GXYLT2: variants seen among roughly 807,000 people sequenced by gnomAD.
The protein encoded by GXYLT2 is glucoside xylosyltransferase 2.
In GXYLT2, 53 loss-of-function variants were observed where a neutral mutation model predicts 45.8. The observed-to-expected ratio is 1.16, with a 90% CI of 0.93 to 1.46. The LOEUF (loss-of-function observed/expected upper bound fraction) is 1.46, where lower values mean the gene tolerates loss of function less well. GXYLT2 is among the 40% of genes most tolerant of loss of function. The pLI is 0.00. For synonymous variants in GXYLT2, 219 were observed against 214.2 expected, an observed-to-expected ratio of 1.02 and a Z score of -0.19; for missense variants, 551 against 544.4, an observed-to-expected ratio of 1.01 and a Z score of -0.12.
intron 5 of GXYLT2, among the ~76,000 whole-genome samples, chr3:72,966,535 C>T (rs1306480608): frequency 2.8e-5 from 4 of 142,142 alleles, no homozygotes; most frequent in African/African-American, 5.2e-5. Context: ...TCATAGCTCA[C>T]TGTAACCTCT....
At chr3:72,923,304 A>G (rs943685739) in intron 3 of GXYLT2, among the ~76,000 whole-genome samples, 1 of 151,950 alleles carries the variant, frequency 6.6e-6, no homozygotes, top group East Asian at 1.9e-4. Context: ...AGTCCCAGCT[A>G]CTTGGGAGGC....
At chr3:72,911,673 TC>T (rs1341447974) in intron 2 of GXYLT2, among the ~76,000 whole-genome samples, 1 of 152,124 alleles carries the variant, frequency 6.6e-6, no homozygotes, top group Non-Finnish European at 1.5e-5. Flanking sequence ...ATGACCATAG[TC>T]CTGTAATCTC....
intron 3 of GXYLT2, among the ~76,000 whole-genome samples, chr3:72,953,739 T>TA (rs1358302382): frequency 1.3e-5 from 2 of 152,166 alleles, no homozygotes; most frequent in African/African-American, 4.8e-5. Context: ...CGCATGCTGA[T>TA]ACACAAACAA....
At chr3:72,914,559 T>A (rs7618364) in intron 2 of GXYLT2, among the ~76,000 whole-genome samples, 38,668 of 151,528 alleles carry the variant, frequency 0.26, 9,221 homozygotes, top group African/African-American at 0.64. Context: ...GCGCGCGCGC[T>A]TGCGTGCGCA....
At chr3:72,954,190 G>A (rs999346038) in intron 3 of GXYLT2, among the ~76,000 whole-genome samples, 5 of 151,630 alleles carry the variant, frequency 3.3e-5, no homozygotes, top group South Asian at 2.1e-4. Context: ...TGGAACCTCC[G>A]CCCCCTCCCC....
At chr3:72,965,064 G>A (rs1710838605) in intron 5 of GXYLT2, among the ~76,000 whole-genome samples, 1 of 152,194 alleles carries the variant, frequency 6.6e-6, no homozygotes, top group Admixed American at 6.6e-5. Flanking sequence ...ACTTGAGGAT[G>A]GCCACTACTC....
intron 3 of GXYLT2, among the ~76,000 whole-genome samples, chr3:72,945,481 G>C (rs1366621656): frequency 6.6e-6 from 1 of 152,140 alleles, no homozygotes; most frequent in African/African-American, 2.4e-5. Flanking sequence ...ATTCTAGTTA[G>C]AGGAGGCAAG....
chr3:72,907,560 T>C (rs1038873055), intron 1 of GXYLT2, among the ~76,000 whole-genome samples: 2 of 152,174 alleles, frequency 1.3e-5, no homozygotes, highest in African/African-American at 4.8e-5. Flanking sequence ...CTGCATCCCT[T>C]CGTCTGGAAC....
chr3:72,967,704 T>C lies in GXYLT2; in HGVS notation c.1134T>C (p.Tyr378=). 1 of 1,613,856 alleles carries C rather than the reference T, an allele frequency of 6.2e-7. No individual in the cohort carries two copies. The highest frequency in any genetic ancestry group is 8.5e-7 in the Non-Finnish European group (1 of 1,179,796). ...DDKQPTFRAL[Y]EAIRDFPFQD... ...AGCAACCAACGTTCAGAGCACTCTATGAAGCAATACGGGATGTAAGTGTGC... is the reference window on the plus strand; with the variant it reads ...AGCAACCAACGTTCAGAGCACTCTACGAAGCAATACGGGATGTAAGTGTGC... The change falls in exon 6 of 7, where the codon TAT becomes TAC. Residue 378 remains tyrosine (Y), a synonymous_variant. Transcript: ENST00000389617.
chr3:72,898,163 G>A (rs1280723463), intron 1 of GXYLT2, among the ~76,000 whole-genome samples: 1 of 152,096 alleles, frequency 6.6e-6, no homozygotes, highest in Admixed American at 6.6e-5. Flanking sequence ...GCAATTTAAA[G>A]TATATAAATT....
At chr3:72,889,920 T>G (rs1709151072) in intron 1 of GXYLT2, among the ~76,000 whole-genome samples, 3 of 150,654 alleles carry the variant, frequency 2.0e-5, no homozygotes, top group Admixed American at 6.6e-5. Flanking sequence ...TTTTTTTTTT[T>G]TTTGTGACAA....
chr3:72,922,542 C>A (rs1226977017), intron 3 of GXYLT2, among the ~76,000 whole-genome samples: 1 of 152,182 alleles, frequency 6.6e-6, no homozygotes, highest in Non-Finnish European at 1.5e-5. Flanking sequence ...TGTGAGCATT[C>A]AAATCCTGTC....
intron 3 of GXYLT2, among the ~76,000 whole-genome samples, chr3:72,944,127 A>T (rs995087215): frequency 1.3e-5 from 2 of 149,618 alleles, no homozygotes; most frequent in Non-Finnish European, 2.9e-5. Flanking sequence ...TCTTTCTCTC[A>T]CCCAGGCTGG....
intron 6 of GXYLT2, among the ~76,000 whole-genome samples, chr3:72,974,187 A>G (rs1012248166): frequency 1.3e-5 from 2 of 152,210 alleles, no homozygotes; most frequent in African/African-American, 4.8e-5. Context: ...ACATGTGCGT[A>G]ACTAAGTGGT....
At position 72,908,480 on chromosome 3, in the gene GXYLT2, C is replaced by CAAAAAGCACATCAA; in HGVS notation, c.390_391insAAAAGCACATCAAA (p.Ala131LysfsTer24). 6.2e-7 allele frequency: 1 copy of CAAAAAGCACATCAA among 1,613,980 alleles called. No individual in the cohort carries two copies. Among genetic ancestry groups the CAAAAAGCACATCAA allele is most frequent in the Non-Finnish European group, 8.5e-7 (1 of 1,179,880 alleles). ...GAGGAGACGCTGGTCATGCTCAAAT[C>CAAAAAGCACATCAA]AGCTGTGCTTTTTAGCCACAGGAAG... On this transcript the variant is annotated frameshift_variant, in exon 2 of 7. Coordinates refer to ENST00000389617, the MANE Select transcript of GXYLT2 (RefSeq NM_001080393.2). LOFTEE classifies it high-confidence loss of function.
chr3:72,964,610 T>C (rs1056153534), intron 5 of GXYLT2, among the ~76,000 whole-genome samples: 2 of 152,210 alleles, frequency 1.3e-5, no homozygotes, highest in Non-Finnish European at 2.9e-5. Flanking sequence ...CGTGAGCCAT[T>C]GCACCCAGCC....
At chr3:72,940,928 C>T (rs1187662812) in intron 3 of GXYLT2, among the ~76,000 whole-genome samples, 1 of 152,190 alleles carries the variant, frequency 6.6e-6, no homozygotes, top group Non-Finnish European at 1.5e-5. Flanking sequence ...AATACTCCCA[C>T]CTCGGTCTCC....
chr3:72,975,045 G>GCA lies in GXYLT2; in HGVS notation c.1222_1223dup (p.Cys410TyrfsTer10). 6.2e-7 allele frequency: 1 copy of GCA among 1,612,818 alleles called. No individual in the cohort carries two copies. The highest frequency in any genetic ancestry group is 1.1e-5 in the South Asian group (1 of 90,984). On this transcript the variant is annotated frameshift_variant, in exon 7 of 7. Transcript: ENST00000389617. LOFTEE classifies it high-confidence loss of function. ...TTCAGCTGAAGTTTTTGGAGACTGTGCACACTTTATGTGGACGAATCCCGC... is the reference window on the plus strand; with the variant it reads ...TTCAGCTGAAGTTTTTGGAGACTGTGCACACACTTTATGTGGACGAATCCCGC...
intron 1 of GXYLT2, among the ~76,000 whole-genome samples, chr3:72,889,325 C>T (rs547275016): frequency 9.6e-4 from 146 of 152,310 alleles, no homozygotes; most frequent in Non-Finnish European, 1.4e-3. Flanking sequence ...TTCATCTGCC[C>T]TTTCAAAACT....
Sources: allele counts gnomAD v4.1 joint callset (sites outside exome capture counted in the v4.1 genomes callset), GRCh38; gene constraint gnomAD v4.1.1; transcripts MANE v1.5; gene names NCBI Gene and HGNC (gene_info 2026-07-23, HGNC 2026-07-21).